CKLF: variants seen among roughly 807,000 people sequenced by gnomAD.
The protein encoded by CKLF is chemokine like factor.
A neutral mutation model predicts 12.9 loss-of-function variants in CKLF; 16 were observed. That is an observed-to-expected ratio of 1.24 (90% CI 0.84 to 1.88). The LOEUF (loss-of-function observed/expected upper bound fraction) is 1.88, where lower values mean the gene tolerates loss of function less well. Ranked by LOEUF, CKLF falls within the 40% of genes most tolerant of loss-of-function variation. CKLF has a pLI of 0.00. For synonymous variants in CKLF, 61 were observed against 69.0 expected (o/e 0.88, Z 0.57); for missense variants, 172 against 188.5 (o/e 0.91, Z 0.51).
intron 1 of CKLF, among the ~76,000 whole-genome samples, chr16:66,556,997 C>G (rs1411698813): frequency 6.6e-6 from 1 of 152,084 alleles, no homozygotes; most frequent in South Asian, 2.1e-4. Flanking sequence ...TTTCACTTAA[C>G]ATTGCCATGT....
Position 66,552,705 on chromosome 16 carries a change from C to G in CKLF, c.-11C>G, listed in dbSNP as rs1965851440. On this transcript the variant is annotated 5_prime_UTR_variant, in exon 1 of 4. Coordinates refer to ENST00000264001, the MANE Select transcript of CKLF (RefSeq NM_016951.4). ...TTGAGGGAAAGTGCTGCTGCTGGGTCTGCAGACGCGATGGATAACGTGCAG... is the reference window on the plus strand; with the variant it reads ...TTGAGGGAAAGTGCTGCTGCTGGGTGTGCAGACGCGATGGATAACGTGCAG... 2.5e-6 allele frequency: 4 copies of G among 1,614,016 alleles called. No homozygotes were observed. In the Admixed American group the frequency reaches 6.7e-5, roughly 27 times the overall value.
At chr16:66,558,408 T>G in intron 2 of CKLF, 60 bp downstream of exon 2, 1 of 1,560,870 alleles carries the variant, frequency 6.4e-7, no homozygotes, top group Non-Finnish European at 8.6e-7. Flanking sequence ...GATATTCTAA[T>G]GAACTCTGTT....
chr16:66,553,261 CGAGA>C (rs1224123825), intron 1 of CKLF: 2 of 152,846 alleles, frequency 1.3e-5, no homozygotes, highest in African/African-American at 4.9e-5. Flanking sequence ...GGTTACCAGG[CGAGA>C]CAACTGCAGT....
Position 66,552,599 on chromosome 16 carries a change from A to T in CKLF, c.-117A>T, listed in dbSNP as rs1272357296. On this transcript the variant is annotated 5_prime_UTR_variant, in exon 1 of 4. Coordinates refer to ENST00000264001, the MANE Select transcript of CKLF (RefSeq NM_016951.4). ...AGAGCGGGAAGCCGAGCTGGGCGAG[A>T]AGTAGGGGAGGGCGGTGCTCCGCCG... 5 of 1,511,644 alleles carry T rather than the reference A, an allele frequency of 3.3e-6. No homozygotes were observed. The highest frequency in any genetic ancestry group is 1.4e-5 in the African/African-American group (1 of 72,784). The allele number at this position is 1,511,644 out of a possible 1,614,324, so 93.6% of individuals were successfully genotyped here.
chr16:66,557,832 A>C (rs2011507926), intron 1 of CKLF, among the ~76,000 whole-genome samples: 1 of 152,236 alleles, frequency 6.6e-6, no homozygotes, highest in East Asian at 1.9e-4. Context: ...TGATAGTGTC[A>C]GAAGCACAAG....
chr16:66,565,259 C>T (rs2012141892), intron 3 of CKLF, among the ~76,000 whole-genome samples: 1 of 152,174 alleles, frequency 6.6e-6, no homozygotes, highest in Non-Finnish European at 1.5e-5. Flanking sequence ...CCCTCTCCCA[C>T]CCCAGGCACC....
intron 1 of CKLF, among the ~76,000 whole-genome samples, chr16:66,556,512 A>G (rs1050887282): frequency 6.6e-6 from 1 of 152,218 alleles, no homozygotes; most frequent in Non-Finnish European, 1.5e-5. Flanking sequence ...AGTTTGACAG[A>G]AACCATAGAA....
rs1289908373 is a variant in CKLF, at chr16:66,552,583, A to G, written c.-133A>G. On this transcript the variant is annotated 5_prime_UTR_variant, in exon 1 of 4. Coordinates refer to ENST00000264001, the MANE Select transcript of CKLF (RefSeq NM_016951.4). ...TGCGCATGCGCGCAAGAGAGCGGGA[A>G]GCCGAGCTGGGCGAGAAGTAGGGGA... The G allele has an allele frequency of 1.4e-6, 2 of 1,415,706 alleles. No individual in the cohort carries two copies. Among genetic ancestry groups the G allele is most frequent in the Non-Finnish European group, 2.0e-6 (2 of 1,024,154 alleles). The allele number at this position is 1,415,706 out of a possible 1,614,324, so 87.7% of individuals were successfully genotyped here. A position where few individuals can be genotyped will look rare whatever the true frequency, so the allele number is the denominator to read the frequency against.
At chr16:66,556,997 C>T (rs1411698813) in intron 1 of CKLF, among the ~76,000 whole-genome samples, 1 of 152,084 alleles carries the variant, frequency 6.6e-6, no homozygotes, top group East Asian at 1.9e-4. Context: ...TTTCACTTAA[C>T]ATTGCCATGT....
At chr16:66,552,965 T>TC (rs1361136236) in intron 1 of CKLF, among the ~76,000 whole-genome samples, 172 bp downstream of exon 1, 4 of 152,214 alleles carry the variant, frequency 2.6e-5, no homozygotes, top group East Asian at 3.9e-4. Flanking sequence ...GGCACTGTCC[T>TC]CCCCTTAGGA....
At chr16:66,552,952 T>TA (rs2011239699) in intron 1 of CKLF, among the ~76,000 whole-genome samples, 159 bp downstream of exon 1, 1 of 152,140 alleles carries the variant, frequency 6.6e-6, no homozygotes, top group Admixed American at 6.5e-5. Flanking sequence ...AGGAGAGAGA[T>TA]ACGGCACTGT....
chr16:66,553,600 T>C (rs2011284133), intron 1 of CKLF: 1 of 152,174 alleles, frequency 6.6e-6, no homozygotes, highest in African/African-American at 2.4e-5. Flanking sequence ...AGAGAAACCT[T>C]ACAGGGAAGG....
intron 3 of CKLF, 60 bp from the exon 4 acceptor site, chr16:66,565,826 T>G: frequency 1.3e-6 from 2 of 1,541,408 alleles, no homozygotes; most frequent in Non-Finnish European, 1.8e-6. Context: ...ACTTAAAACT[T>G]GTGTGAATGA....
At chr16:66,564,843 C>CAT (rs2144562833) in intron 3 of CKLF, among the ~76,000 whole-genome samples, 1 of 152,242 alleles carries the variant, frequency 6.6e-6, no homozygotes, top group South Asian at 2.1e-4. Flanking sequence ...ACTGGTGACT[C>CAT]ATATTATGCT....
downstream of CKLF, chr16:66,566,161 A>C (rs1347417225): frequency 6.3e-7 from 1 of 1,582,264 alleles, no homozygotes; most frequent in African/African-American, 1.4e-5. This position sits in a 1 kb window ranked among gnomAD's most constrained non-coding sequence, Gnocchi z 4.9. Context: ...TGTAACTTCC[A>C]AGGGAGCGCT....
At chr16:66,562,841 C>T (rs1016827340) in intron 2 of CKLF, among the ~76,000 whole-genome samples, 3 of 152,300 alleles carry the variant, frequency 2.0e-5, no homozygotes, top group East Asian at 3.9e-4. Flanking sequence ...GTGCCTCAGC[C>T]TCCCGAGTAG....
At chr16:66,555,161 G>A (rs573755629) in intron 1 of CKLF, among the ~76,000 whole-genome samples, 10 of 152,230 alleles carry the variant, frequency 6.6e-5, no homozygotes, top group South Asian at 4.1e-4. Flanking sequence ...CACTGGAACC[G>A]GAGAGACAGA....
At chr16:66,563,414 A>G (rs1294724884) in intron 3 of CKLF, among the ~76,000 whole-genome samples, 197 bp downstream of exon 3, 1 of 152,216 alleles carries the variant, frequency 6.6e-6, no homozygotes, top group African/African-American at 2.4e-5. Flanking sequence ...ATTTTATACT[A>G]GAAGCAGAAT....
chr16:66,555,978 C>T (rs749313701), intron 1 of CKLF, among the ~76,000 whole-genome samples: 52 of 151,928 alleles, frequency 3.4e-4, no homozygotes, highest in Admixed American at 1.2e-3. Flanking sequence ...GAGGAAGGGG[C>T]GGGATTTCAG....
Sources: gnomAD v4.1 joint callset for allele counts (sites outside exome capture counted in the v4.1 genomes callset) on GRCh38, gnomAD v4.1.1 for gene constraint, Gnocchi (gnomAD v3.1) non-coding constraint, MANE v1.5 for transcripts, NCBI Gene and HGNC (gene_info 2026-07-23, HGNC 2026-07-21) for gene names.